The following DDX10 variants were observed in gnomAD, a reference collection of about 807,000 sequenced individuals.
The protein encoded by DDX10 is probable ATP-dependent RNA helicase DDX10.
In DDX10, 74 loss-of-function variants were observed where a neutral mutation model predicts 104.3. The observed-to-expected ratio is 0.71, with a 90% CI of 0.59 to 0.86. The LOEUF is 0.86. DDX10 is among the 40% of genes least tolerant of loss of function. The pLI, the probability that DDX10 is intolerant of heterozygous loss-of-function variation, is 0.00. For missense variants in DDX10, 952 were observed against 1,040.0 expected, an observed-to-expected ratio of 0.92 and a Z score of 1.16; for synonymous variants, 351 against 353.4, an observed-to-expected ratio of 0.99 and a Z score of 0.08.
chr11:108,800,172 G>A (rs745776451), intron 13 of DDX10, among the ~76,000 whole-genome samples: 5 of 151,542 alleles, frequency 3.3e-5, no homozygotes, highest in Non-Finnish European at 5.9e-5. Flanking sequence ...GACCGAGCGC[G>A]GTGGCTCACT....
intron 16 of DDX10, among the ~76,000 whole-genome samples, chr11:108,895,900 G>C (rs1863433539): frequency 6.6e-6 from 1 of 152,040 alleles, no homozygotes; most frequent in African/African-American, 2.4e-5. Flanking sequence ...CTTCCTTTGT[G>C]GTGATAGTTT....
intron 13 of DDX10, among the ~76,000 whole-genome samples, chr11:108,741,419 A>G (rs1454585937): frequency 6.6e-6 from 1 of 151,840 alleles, no homozygotes; most frequent in Non-Finnish European, 1.5e-5. Context: ...TTTAATGTTG[A>G]TTGTTCCTAT....
At chr11:108,895,336 C>T (rs1565311694) in intron 16 of DDX10, among the ~76,000 whole-genome samples, 2 of 151,218 alleles carry the variant, frequency 1.3e-5, no homozygotes, top group Non-Finnish European at 3.0e-5. Context: ...ATCCAAGTCT[C>T]CTTTGGGTAT....
chr11:108,831,119 T>TA (rs1457108827), intron 13 of DDX10, among the ~76,000 whole-genome samples: 15 of 152,122 alleles, frequency 9.9e-5, no homozygotes, highest in African/African-American at 3.1e-4. Flanking sequence ...GAAATACTCT[T>TA]ATCGGGCTGG....
At chr11:108,800,700 A>T (rs1311661002) in intron 13 of DDX10, among the ~76,000 whole-genome samples, 1 of 152,218 alleles carries the variant, frequency 6.6e-6, no homozygotes, top group African/African-American at 2.4e-5. Flanking sequence ...TCAATATGTG[A>T]GATTATGCTT....
intron 14 of DDX10, among the ~76,000 whole-genome samples, chr11:108,839,337 T>G (rs999378067): frequency 3.9e-5 from 6 of 152,182 alleles, no homozygotes; most frequent in African/African-American, 1.2e-4. Context: ...TCTCTCACCC[T>G]GCCTCACTTT....
intron 13 of DDX10, among the ~76,000 whole-genome samples, chr11:108,737,623 G>A (rs1024933405): frequency 2.6e-5 from 4 of 152,192 alleles, no homozygotes; most frequent in African/African-American, 9.6e-5. Flanking sequence ...TGGCATTAAT[G>A]TGCATGAGAT....
intron 16 of DDX10, among the ~76,000 whole-genome samples, chr11:108,882,991 C>T (rs1863247125): frequency 6.6e-6 from 1 of 152,120 alleles, no homozygotes; most frequent in Non-Finnish European, 1.5e-5. Flanking sequence ...CCTATCATTT[C>T]AAATAATGAT....
In DDX10 at chr11:108,679,496, G is replaced by A; in HGVS notation, c.784G>A (p.Asp262Asn). 1 of 1,613,540 alleles carries A rather than the reference G, an allele frequency of 6.2e-7. No homozygotes were observed. The highest frequency in any genetic ancestry group is 8.5e-7 in the Non-Finnish European group (1 of 1,179,896). The change falls in exon 6 of 18, where the codon GAC (aspartate) becomes AAC (asparagine). Residue 262 changes from aspartate to asparagine, a missense_variant. Coordinates refer to ENST00000322536, the MANE Select transcript of DDX10 (RefSeq NM_004398.4). ...AGCAACACAAACTAAATCTGTAAAG[G>A]ACCTTGCACGCTTGAGTTTGAAAAA... is the stretch of plus-strand genomic sequence containing the variant. ...FSATQTKSVKDLARLSLKNPE... is the reference protein window; with the variant it reads ...FSATQTKSVKNLARLSLKNPE...
intron 6 of DDX10, among the ~76,000 whole-genome samples, chr11:108,684,142 T>TC (rs1491424262): frequency 2.0e-4 from 3 of 14,926 alleles, no homozygotes; most frequent in African/African-American, 3.8e-4. Context: ...TTTCCAGTTC[T>TC]TTTTTTTTTT....
chr11:108,822,773 A>T (rs781680668), intron 13 of DDX10: 4 of 153,568 alleles, frequency 2.6e-5, no homozygotes, highest in African/African-American at 9.6e-5. Context: ...TTTTAAAGAG[A>T]ACATTTGCTG....
intron 13 of DDX10, among the ~76,000 whole-genome samples, chr11:108,826,151 G>A (rs1024639320): frequency 1.3e-5 from 2 of 152,146 alleles, no homozygotes; most frequent in Non-Finnish European, 2.9e-5. Flanking sequence ...ATGAAGCTAT[G>A]TATAAAGTCT....
chr11:108,751,465 A>G (rs1034743206), intron 13 of DDX10, among the ~76,000 whole-genome samples: 1 of 152,168 alleles, frequency 6.6e-6, no homozygotes, highest in Non-Finnish European at 1.5e-5. Context: ...AAAGCTCTTA[A>G]TCTGCAGTTA....
chr11:108,914,686 C>T (rs1863723069), intron 16 of DDX10, among the ~76,000 whole-genome samples: 1 of 151,566 alleles, frequency 6.6e-6, no homozygotes, highest in South Asian at 2.1e-4. Flanking sequence ...ATCTATACCC[C>T]AAAAAAGGCA....
chr11:108,909,780 C>T (rs1288917272), intron 16 of DDX10, among the ~76,000 whole-genome samples: 4 of 152,054 alleles, frequency 2.6e-5, no homozygotes, highest in African/African-American at 9.7e-5. Flanking sequence ...CTGTTGGTAC[C>T]TGTTGGATTG....
At chr11:108,748,297 C>T (rs926094438) in intron 13 of DDX10, among the ~76,000 whole-genome samples, 13 of 152,178 alleles carry the variant, frequency 8.5e-5, no homozygotes, top group East Asian at 3.9e-4. Context: ...CGAGAGAGAG[C>T]GCCAGAGGAG....
intron 16 of DDX10, among the ~76,000 whole-genome samples, chr11:108,892,066 G>A (rs1430611761): frequency 6.6e-6 from 1 of 152,136 alleles, no homozygotes; most frequent in African/African-American, 2.4e-5. Context: ...CAGAACAGGT[G>A]TTGCTGTAGT....
chr11:108,740,757 A>G (rs1304024024), intron 13 of DDX10, among the ~76,000 whole-genome samples: 2 of 151,094 alleles, frequency 1.3e-5, no homozygotes, highest in Non-Finnish European at 3.0e-5. Flanking sequence ...ATTTTTTCAT[A>G]TGCTTTTTGG....
At chr11:108,859,554 C>T (rs1226386821) in intron 16 of DDX10, among the ~76,000 whole-genome samples, 2 of 152,076 alleles carry the variant, frequency 1.3e-5, no homozygotes, top group Non-Finnish European at 2.9e-5. Context: ...TCATTTAGAT[C>T]CTTTCCAATG....
Sources: gnomAD v4.1 joint callset for allele counts (sites outside exome capture counted in the v4.1 genomes callset) on GRCh38, gnomAD v4.1.1 for gene constraint, MANE v1.5 for transcripts, NCBI Gene and HGNC (gene_info 2026-07-23, HGNC 2026-07-21) for gene names.